The following RASAL2 variants were observed in gnomAD, a reference collection of about 807,000 sequenced individuals.
RASAL2 encodes the protein RAS protein activator like 2.
In RASAL2, 58 loss-of-function variants were observed where a neutral mutation model predicts 128.9. That is an observed-to-expected ratio of 0.45 (90% confidence interval 0.36 to 0.56). The LOEUF (loss-of-function observed/expected upper bound fraction) is 0.56, where lower values mean the gene tolerates loss of function less well. Ranked by LOEUF, RASAL2 falls within the 20% of genes least tolerant of loss-of-function variation. RASAL2 has a pLI of 0.00. For synonymous variants in RASAL2, 561 were observed against 580.8 expected (o/e 0.97, Z 0.49); for missense variants, 1,360 against 1,601.6 (o/e 0.85, Z 2.57).
intron 3 of RASAL2, 35 bp from the exon 4 acceptor site, chr1:178,390,065 C>A: frequency 2.8e-6 from 4 of 1,440,442 alleles, no homozygotes; most frequent in South Asian, 1.2e-5. Flanking sequence ...ATTTGGGGTT[C>A]TTAATGATGT....
intron 1 of RASAL2, among the ~76,000 whole-genome samples, chr1:178,276,519 G>T (rs1393920079): frequency 2.1e-5 from 3 of 144,422 alleles, no homozygotes; most frequent in Admixed American, 6.9e-5. Context: ...CAATTTTTTT[G>T]TTTTTTTTTT....
chr1:178,413,201 C>G (rs967660593), intron 4 of RASAL2, among the ~76,000 whole-genome samples: 2 of 152,196 alleles, frequency 1.3e-5, no homozygotes, highest in African/African-American at 4.8e-5. Flanking sequence ...CTCAGGTGAT[C>G]CGCCTGCCTC....
At chr1:178,138,066 G>C (rs1455232246) in intron 1 of RASAL2, among the ~76,000 whole-genome samples, 1 of 152,138 alleles carries the variant, frequency 6.6e-6, no homozygotes, top group Non-Finnish European at 1.5e-5. Flanking sequence ...AGTGCCACGT[G>C]TATTTTCTAC....
intron 1 of RASAL2, among the ~76,000 whole-genome samples, chr1:178,209,637 G>T (rs893180910): frequency 2.0e-5 from 3 of 151,962 alleles, no homozygotes; most frequent in African/African-American, 7.3e-5. Context: ...CTAAAGACTT[G>T]TATTTCATTT....
chr1:178,173,745 C>G (rs1370060238), intron 1 of RASAL2, among the ~76,000 whole-genome samples: 1 of 151,908 alleles, frequency 6.6e-6, no homozygotes, highest in Non-Finnish European at 1.5e-5. Flanking sequence ...ATCCTGAAAT[C>G]CATTTTTGAA....
At chr1:178,283,296 A>G (rs772903752) in intron 1 of RASAL2, among the ~76,000 whole-genome samples, 1 of 152,202 alleles carries the variant, frequency 6.6e-6, no homozygotes, top group Non-Finnish European at 1.5e-5. Flanking sequence ...ATTATAGTTT[A>G]TATACAGTGG....
intron 1 of RASAL2, among the ~76,000 whole-genome samples, chr1:178,183,358 A>G (rs1369536695): frequency 6.6e-6 from 1 of 152,220 alleles, no homozygotes; most frequent in Non-Finnish European, 1.5e-5. Flanking sequence ...TTTAAGATTC[A>G]CACTTTGTGC....
intron 3 of RASAL2, among the ~76,000 whole-genome samples, chr1:178,387,127 A>G (rs1331753334): frequency 6.6e-6 from 1 of 152,164 alleles, no homozygotes; most frequent in African/African-American, 2.4e-5. Context: ...GGGATTCTCC[A>G]AAGGCCTATT....
chr1:178,305,105 C>G (rs907176639), intron 3 of RASAL2, among the ~76,000 whole-genome samples: 1 of 152,048 alleles, frequency 6.6e-6, no homozygotes, highest in South Asian at 2.1e-4. Flanking sequence ...AAGTGAGTAT[C>G]GCTACAATGA....
rs1348875267 is a variant in RASAL2 at position 178,477,364 on chromosome 1, C to A, written c.*4125C>A. 6.6e-6 allele frequency: 1 copy of A among 152,188 alleles called. No individual in the cohort carries two copies. The highest frequency in any genetic ancestry group is 2.4e-5 in the African/African-American group (1 of 41,448). The allele number at this position is 152,188 out of a possible 1,614,324, so 9.4% of individuals were successfully genotyped here. ...GGAGTGTTGAATTTTTAAATAGAAT[C>A]TCTTTTCATGTTTGAATGATTGTTA... On this transcript the variant is annotated 3_prime_UTR_variant, in exon 18 of 18. Transcript: ENST00000367649.
chr1:178,395,144 C>T (rs373767998), intron 4 of RASAL2, among the ~76,000 whole-genome samples: 205 of 152,284 alleles, frequency 1.3e-3, no homozygotes, highest in African/African-American at 4.7e-3. Context: ...ACATGAAAAT[C>T]ACCTAAGGAA....
intron 1 of RASAL2, among the ~76,000 whole-genome samples, chr1:178,260,363 AATATATATAT>A (rs71108040): frequency 2.1e-3 from 36 of 17,494 alleles, no homozygotes; most frequent in Admixed American, 3.0e-3. Context: ...AAAAAAAAAA[AATATATATAT>A]ATATATATAT....
intron 4 of RASAL2, among the ~76,000 whole-genome samples, chr1:178,418,509 A>G (rs990816071): frequency 1.3e-5 from 2 of 152,208 alleles, no homozygotes; most frequent in Non-Finnish European, 2.9e-5. Context: ...TGTGATATAT[A>G]CTAGGAGTTT....
At position 178,442,921 on chromosome 1, in the gene RASAL2, A is replaced by C. The variant is rs201336827; in HGVS notation, c.1174A>C (p.Asn392His). 7.4e-5 allele frequency: 119 copies of C among 1,613,962 alleles called. No homozygotes were observed. Among genetic ancestry groups the C allele is most frequent in the Admixed American group, 2.8e-4 (17 of 59,948 alleles). The change falls in exon 8 of 18, where the codon AAT becomes CAT. Residue 392 changes from asparagine (N) to histidine (H), a missense_variant. By Grantham distance (68) the Asn-to-His change is moderately conservative. Coordinates refer to ENST00000367649, the MANE Select transcript of RASAL2 (RefSeq NM_170692.4). The stretch of plus-strand genomic sequence containing the variant: ...GGAAAAAAAGAAAAAAAAGGACAAG[A>C]ATAATTATGTAGGGCTAGTCAACAT... ...DVEKKKKKDK[N>H]NYVGLVNIPT...
At chr1:178,363,832 C>T (rs1054202029) in intron 3 of RASAL2, among the ~76,000 whole-genome samples, 2 of 152,168 alleles carry the variant, frequency 1.3e-5, no homozygotes, top group African/African-American at 2.4e-5. Flanking sequence ...TGCGGTGGCT[C>T]ACGCCTGTAA....
chr1:178,334,523 G>C (rs1328431685), intron 3 of RASAL2, among the ~76,000 whole-genome samples: 4 of 151,764 alleles, frequency 2.6e-5, no homozygotes, highest in Non-Finnish European at 4.4e-5. Flanking sequence ...ATTTTTAATA[G>C]ATAGAATCAG....
At position 178,134,543 on chromosome 1, in the gene RASAL2, C is replaced by G. The variant is rs115809083; in HGVS notation, c.202+39849C>G. ...GGGCAGGCAATCGACATCAGTTAAT[C>G]TTTTTCGTATTCTAATTGCAGGAGA... On this transcript the variant is annotated intron_variant, in intron 1 of 17. Coordinates refer to ENST00000367649, the MANE Select transcript of RASAL2 (RefSeq NM_170692.4). 5.1e-3 allele frequency among the ~76,000 whole-genome samples: 764 copies of G among 150,734 alleles called. 15 individuals are homozygous for G. Among genetic ancestry groups the G allele is most frequent in the African/African-American group, 0.018 (735 of 41,094 alleles).
chr1:178,187,105 G>A (rs546081287), intron 1 of RASAL2, among the ~76,000 whole-genome samples: 2 of 152,172 alleles, frequency 1.3e-5, no homozygotes, highest in East Asian at 1.9e-4. Context: ...TGGGATTATA[G>A]GTGTGATCCA....
intron 3 of RASAL2, among the ~76,000 whole-genome samples, chr1:178,335,904 T>C (rs1006480642): frequency 6.6e-5 from 10 of 151,308 alleles, no homozygotes; most frequent in Non-Finnish European, 1.5e-4. Flanking sequence ...TTGGAAAGTA[T>C]AGAAAGCTAT....
Sources: allele counts gnomAD v4.1 joint callset (sites outside exome capture counted in the v4.1 genomes callset), GRCh38; gene constraint gnomAD v4.1.1; transcripts MANE v1.5; gene names NCBI Gene and HGNC (gene_info 2026-07-23, HGNC 2026-07-21).